The following SLC8A1 variants were observed in gnomAD, a reference collection of about 807,000 sequenced individuals.
SLC8A1 encodes solute carrier family 8 member A1, also known as sodium/calcium exchanger 1.
SLC8A1 carries 18 observed loss-of-function variants against 68.3 expected under a neutral mutation model. The ratio of observed to expected loss-of-function variants is 0.26; its 90% confidence interval spans 0.18 to 0.39. SLC8A1 has a LOEUF of 0.39. SLC8A1 is among the 10% of genes least tolerant of loss of function. The pLI, the probability that SLC8A1 is intolerant of heterozygous loss-of-function variation, is 1.00. For synonymous variants in SLC8A1, 475 were observed against 415.5 expected, an observed-to-expected ratio of 1.14 and a Z score of -1.74; for missense variants, 985 against 1,156.7, an observed-to-expected ratio of 0.85 and a Z score of 2.15.
exon 8 of SLC8A1, chr2:40,100,640 A>T (rs1394512556): frequency 6.6e-6 from 1 of 152,146 alleles, no homozygotes; most frequent in Non-Finnish European, 1.5e-5. Context: ...CACAGGAAGG[A>T]GTGACTGTGA....
Position 40,294,155 on chromosome 2 carries a change from A to G in SLC8A1, c.1809-116300T>C, listed in dbSNP as rs148396565. On this transcript the variant is annotated intron_variant, in intron 2 of 7. Transcript: ENST00000406785. ...GTGTATTCTTTGATGCAGCAATGCT[A>G]CTTCTAAGAGTTTATCTTACAGATA... Among the ~76,000 whole-genome samples the G allele has an allele frequency of 4.6e-3, 705 of 152,256 alleles. 6 individuals are homozygous for G. The highest frequency in any genetic ancestry group is 0.016 in the African/African-American group (673 of 41,546).
intron 2 of SLC8A1, among the ~76,000 whole-genome samples, chr2:40,288,787 A>G (rs2068750703): frequency 6.6e-6 from 1 of 151,210 alleles, no homozygotes; most frequent in South Asian, 2.1e-4. Context: ...TTGATCCCAC[A>G]GAATCTTAAA....
chr2:40,429,672 G>C (rs1410755155), exon 2 of SLC8A1: 6 of 1,613,846 alleles, frequency 3.7e-6, no homozygotes, highest in Non-Finnish European at 5.1e-6. Context: ...TCACAAAGAA[G>C]ACACGCAAAT....
intron 3 of SLC8A1, chr2:40,175,917 TC>T: frequency 2.5e-6 from 1 of 406,168 alleles, no homozygotes; most frequent in Non-Finnish European, 4.9e-6. Context: ...AGCTTAATAG[TC>T]CCAGGAATTA....
At chr2:40,308,465 A>G (rs1038632597) in intron 2 of SLC8A1, among the ~76,000 whole-genome samples, 5 of 152,158 alleles carry the variant, frequency 3.3e-5, no homozygotes, top group African/African-American at 1.2e-4. Flanking sequence ...AAAGTAACCA[A>G]AGACTTCGTG....
upstream of SLC8A1, among the ~76,000 whole-genome samples, chr2:40,454,801 T>G (rs1559741734): frequency 6.6e-6 from 1 of 152,160 alleles, no homozygotes; most frequent in Non-Finnish European, 1.5e-5. Context: ...ATGTCATACA[T>G]GAGTGAGTTT....
intron 7 of SLC8A1, among the ~76,000 whole-genome samples, chr2:40,123,663 C>T (rs1041624341): frequency 6.6e-6 from 1 of 152,106 alleles, no homozygotes; most frequent in African/African-American, 2.4e-5. Context: ...AGTTTTAAGC[C>T]ATGATTCTGT....
At chr2:40,380,048 T>C (rs116278247) in intron 2 of SLC8A1, among the ~76,000 whole-genome samples, 1 of 152,160 alleles carries the variant, frequency 6.6e-6, no homozygotes, top group Admixed American at 6.5e-5. Context: ...TATCATAATG[T>C]CTACAATGAA....
chr2:40,281,295 T>A (rs548865449), intron 2 of SLC8A1, among the ~76,000 whole-genome samples: 1 of 152,152 alleles, frequency 6.6e-6, no homozygotes, highest in Non-Finnish European at 1.5e-5. Flanking sequence ...TGCTCTCAGA[T>A]GGCACAGCTG....
At chr2:40,476,079 C>T (rs559829558) in intron 1 of SLC8A1, among the ~76,000 whole-genome samples, 1 of 152,152 alleles carries the variant, frequency 6.6e-6, no homozygotes, top group East Asian at 1.9e-4. Flanking sequence ...TTTTTCAATT[C>T]GATTAAAGCA....
At chr2:40,426,884 T>C (rs1355924935) in intron 2 of SLC8A1, among the ~76,000 whole-genome samples, 1 of 151,984 alleles carries the variant, frequency 6.6e-6, no homozygotes, top group Non-Finnish European at 1.5e-5. Context: ...AAAGAATTCC[T>C]AGCAAAGGAA....
At chr2:40,183,408 C>G (rs538318314) in intron 2 of SLC8A1, among the ~76,000 whole-genome samples, 1 of 152,160 alleles carries the variant, frequency 6.6e-6, no homozygotes, top group African/African-American at 2.4e-5. Flanking sequence ...CTGCAGCACA[C>G]GTTATATTCC....
At chr2:40,357,714 A>G (rs1362707617) in intron 2 of SLC8A1, among the ~76,000 whole-genome samples, 2 of 152,110 alleles carry the variant, frequency 1.3e-5, no homozygotes, top group East Asian at 1.9e-4. Context: ...ACCTCCTCTC[A>G]TTAATAACCA....
At chr2:40,228,524 G>A (rs1377334198) in intron 2 of SLC8A1, among the ~76,000 whole-genome samples, 1 of 152,192 alleles carries the variant, frequency 6.6e-6, no homozygotes, top group Non-Finnish European at 1.5e-5. Context: ...AAATCCCACA[G>A]TGGAAAAAGC....
At chr2:40,314,974 G>A (rs1490282607) in intron 2 of SLC8A1, among the ~76,000 whole-genome samples, 1 of 151,890 alleles carries the variant, frequency 6.6e-6, no homozygotes, top group Non-Finnish European at 1.5e-5. Context: ...CAATCTGGAT[G>A]TAATTTTTTT....
intron 2 of SLC8A1, among the ~76,000 whole-genome samples, chr2:40,316,300 A>G (rs116380552): frequency 1.4e-3 from 209 of 152,162 alleles, no homozygotes; most frequent in African/African-American, 4.9e-3. Flanking sequence ...TTGAAAAGAA[A>G]TTTATTGAAA....
intron 2 of SLC8A1, among the ~76,000 whole-genome samples, chr2:40,381,872 C>G (rs763519313): frequency 6.6e-6 from 1 of 151,838 alleles, no homozygotes; most frequent in African/African-American, 2.4e-5. Flanking sequence ...TTCACCAACT[C>G]CTCTTCCATA....
intron 1 of SLC8A1, among the ~76,000 whole-genome samples, chr2:40,475,255 T>C (rs1376699755): frequency 3.3e-5 from 5 of 152,108 alleles, no homozygotes; most frequent in African/African-American, 4.8e-5. Flanking sequence ...TGCCTCAGCC[T>C]CCCACGTAGC....
At chr2:40,123,449 C>T (rs1483564528) in intron 7 of SLC8A1, among the ~76,000 whole-genome samples, 3 of 152,148 alleles carry the variant, frequency 2.0e-5, no homozygotes, top group African/African-American at 4.8e-5. Flanking sequence ...AGGAAAATTA[C>T]ACTCTGCCAC....
Sources: allele counts gnomAD v4.1 joint callset (sites outside exome capture counted in the v4.1 genomes callset), GRCh38; gene constraint gnomAD v4.1.1; transcripts MANE v1.5; gene names NCBI Gene and HGNC (gene_info 2026-07-23, HGNC 2026-07-21).